NXPE2: variants seen among roughly 807,000 people sequenced by gnomAD.
NXPE2 encodes neurexophilin and PC-esterase domain family member 2.
In NXPE2, 34 loss-of-function variants were observed where a neutral mutation model predicts 34.4. The ratio of observed to expected loss-of-function variants is 0.99; its 90% confidence interval spans 0.75 to 1.31. The LOEUF is 1.31. Ranked by LOEUF, NXPE2 falls within the 40% of genes most tolerant of loss-of-function variation. NXPE2 has a pLI of 0.00. For synonymous variants in NXPE2, 235 were observed against 231.3 expected (o/e 1.02, Z -0.15); for missense variants, 649 against 672.5 (o/e 0.97, Z 0.39).
At chr11:114,627,216 G>C in the NXPE2 span, among the ~76,000 whole-genome samples, 23 of 152,034 alleles carry the variant, frequency 1.5e-4, no homozygotes, top group Non-Finnish European at 2.8e-4. Flanking sequence ...ACACATAATT[G>C]TCAGATTCAC....
the NXPE2 span, among the ~76,000 whole-genome samples, chr11:114,660,094 A>T: frequency 6.6e-6 from 1 of 152,126 alleles, no homozygotes; most frequent in East Asian, 1.9e-4. Flanking sequence ...TTCACTTAAG[A>T]AAAATAGATA....
At chr11:114,583,353 G>A in the NXPE2 span, 7 of 620,030 alleles carry the variant, frequency 1.1e-5, no homozygotes, top group Non-Finnish European at 1.5e-5. Flanking sequence ...AATCCTCACT[G>A]AATCTGCGTG....
At chr11:114,530,304 T>C in the NXPE2 span, 11 of 1,614,214 alleles carry the variant, frequency 6.8e-6, no homozygotes, top group Admixed American at 1.7e-5. Context: ...GTCTCTGTCA[T>C]CCAGATATTC....
chr11:114,782,895 C>T, the NXPE2 span, among the ~76,000 whole-genome samples: 1,240 of 152,288 alleles, frequency 8.1e-3, 17 homozygotes, highest in African/African-American at 0.025. Flanking sequence ...AAAGAAAACC[C>T]AAGCATTCTT....
At chr11:114,582,542 C>A in the NXPE2 span, 1 of 1,614,152 alleles carries the variant, frequency 6.2e-7, no homozygotes. Context: ...TCCTTGCACT[C>A]CAGAGAGCTG....
the NXPE2 span, among the ~76,000 whole-genome samples, chr11:114,576,112 G>A: frequency 4.6e-5 from 7 of 151,940 alleles, no homozygotes; most frequent in African/African-American, 1.4e-4. Context: ...AGAACACCCT[G>A]TTCAACAAAT....
the NXPE2 span, among the ~76,000 whole-genome samples, chr11:114,810,157 G>T: frequency 4.2e-5 from 6 of 144,394 alleles, no homozygotes; most frequent in Non-Finnish European, 9.2e-5. Context: ...GCTGAAACTG[G>T]ATCCCTTCCT....
chr11:114,724,513 T>G, the NXPE2 span, among the ~76,000 whole-genome samples: 31 of 152,286 alleles, frequency 2.0e-4, no homozygotes, highest in African/African-American at 7.5e-4. Context: ...CCATCTATTT[T>G]TCCCACCACT....
the NXPE2 span, among the ~76,000 whole-genome samples, chr11:114,638,482 G>T: frequency 6.6e-6 from 1 of 151,938 alleles, no homozygotes; most frequent in Non-Finnish European, 1.5e-5. Flanking sequence ...GTCATTCTCC[G>T]TCCAACTTTG....
chr11:114,531,111 ATAT>A, the NXPE2 span, among the ~76,000 whole-genome samples: 3 of 151,546 alleles, frequency 2.0e-5, no homozygotes, highest in South Asian at 2.1e-4. Context: ...TGATGATATA[ATAT>A]TATTATATAT....
the NXPE2 span, among the ~76,000 whole-genome samples, chr11:114,643,101 G>C: frequency 3.3e-5 from 5 of 152,150 alleles, no homozygotes; most frequent in East Asian, 9.6e-4. Context: ...ACATTTTGAT[G>C]GGGTTGTTTG....
chr11:114,546,735 C>T, the NXPE2 span, among the ~76,000 whole-genome samples: 6 of 152,180 alleles, frequency 3.9e-5, no homozygotes, highest in East Asian at 1.9e-4. Context: ...CTTGGATAAA[C>T]GGCTGATTCT....
At chr11:114,801,772 A>C in the NXPE2 span, among the ~76,000 whole-genome samples, 4 of 152,172 alleles carry the variant, frequency 2.6e-5, no homozygotes, top group Non-Finnish European at 5.9e-5. Context: ...GGGACGAGTC[A>C]GGTTTCTGGA....
the NXPE2 span, among the ~76,000 whole-genome samples, chr11:114,481,552 A>G: frequency 6.6e-6 from 1 of 151,924 alleles, no homozygotes; most frequent in East Asian, 1.9e-4. Flanking sequence ...TAAAAGGTGA[A>G]TGACACCTGG....
chr11:114,523,110 G>T, the NXPE2 span: 1 of 1,576,088 alleles, frequency 6.3e-7, no homozygotes, highest in South Asian at 1.1e-5. Context: ...AAAGACACTC[G>T]TAAATGATTT....
the NXPE2 span, among the ~76,000 whole-genome samples, chr11:114,713,607 A>G: frequency 2.0e-5 from 3 of 152,186 alleles, no homozygotes; most frequent in South Asian, 2.1e-4. Context: ...AAAGTCAGAT[A>G]TAGGTGGACC....
At chr11:114,749,409 A>G in the NXPE2 span, among the ~76,000 whole-genome samples, 1 of 152,140 alleles carries the variant, frequency 6.6e-6, no homozygotes, top group South Asian at 2.1e-4. Flanking sequence ...CAGATGTTCA[A>G]ATCCCTTATA....
chr11:114,669,438 T>C, the NXPE2 span, among the ~76,000 whole-genome samples: 1 of 152,022 alleles, frequency 6.6e-6, no homozygotes, highest in Admixed American at 6.6e-5. Context: ...ACCTGAAGGG[T>C]AAGATATCCC....
At chr11:114,740,493 T>G in the NXPE2 span, among the ~76,000 whole-genome samples, 1 of 152,192 alleles carries the variant, frequency 6.6e-6, no homozygotes, top group African/African-American at 2.4e-5. Context: ...GAAGTGGGAT[T>G]GTTGGGTCAT....
Sources: allele counts gnomAD v4.1 joint callset (sites outside exome capture counted in the v4.1 genomes callset), GRCh38; gene constraint gnomAD v4.1.1; transcripts MANE v1.5; gene names NCBI Gene and HGNC (gene_info 2026-07-23, HGNC 2026-07-21).